The following FGF12 variants were observed in gnomAD, a reference collection of about 807,000 sequenced individuals.
The protein encoded by FGF12 is fibroblast growth factor 12, also known as fibroblast growth factor 12B.
A neutral mutation model predicts 23.6 loss-of-function variants in FGF12; 14 were observed. That is an observed-to-expected ratio of 0.59 (90% CI 0.39 to 0.93). FGF12 has a LOEUF of 0.93. Ranked by LOEUF, FGF12 falls within the 40% of genes least tolerant of loss-of-function variation. The probability of loss-of-function intolerance (pLI) is 0.00; values close to 1 mark genes in which losing one functional copy is unlikely to be tolerated. For missense variants in FGF12, 175 were observed against 217.8 expected, an observed-to-expected ratio of 0.80 and a Z score of 1.24; for synonymous variants, 62 against 77.3, an observed-to-expected ratio of 0.80 and a Z score of 1.04.
intron 2 of FGF12, among the ~76,000 whole-genome samples, chr3:192,424,078 A>G (rs1269768963): frequency 1.8e-5 from 2 of 113,504 alleles, no homozygotes; most frequent in South Asian, 6.4e-4. Flanking sequence ...AATGAATTAT[A>G]AAGTCTTCAA....
intron 2 of FGF12, among the ~76,000 whole-genome samples, chr3:192,552,940 A>G (rs141804255): frequency 6.9e-4 from 105 of 152,202 alleles, no homozygotes; most frequent in Non-Finnish European, 1.3e-3. Flanking sequence ...AAAAAAATAC[A>G]TGCCAGAAGA....
At chr3:192,634,190 C>A (rs1715496892) in intron 2 of FGF12, among the ~76,000 whole-genome samples, 1 of 151,824 alleles carries the variant, frequency 6.6e-6, no homozygotes, top group Non-Finnish European at 1.5e-5. Context: ...ACACATGATG[C>A]CTACACACGT....
At chr3:192,148,990 G>A (rs9877993) in intron 5 of FGF12, among the ~76,000 whole-genome samples, 53,810 of 151,922 alleles carry the variant, frequency 0.35, 9,703 homozygotes, top group Middle Eastern at 0.42. Flanking sequence ...AGGTGATGAC[G>A]AATAAGAAGG....
chr3:192,291,145 T>A (rs973895889), intron 4 of FGF12, among the ~76,000 whole-genome samples: 9 of 152,316 alleles, frequency 5.9e-5, no homozygotes, highest in Non-Finnish European at 1.3e-4. Context: ...TTCTGGTGAT[T>A]TACTACTATT....
At chr3:192,634,366 C>A (rs1480335360) in intron 2 of FGF12, among the ~76,000 whole-genome samples, 1 of 152,048 alleles carries the variant, frequency 6.6e-6, no homozygotes, top group Non-Finnish European at 1.5e-5. Context: ...TACAGTATAA[C>A]AATTATCTAC....
chr3:192,191,597 A>G (rs1449877946), intron 4 of FGF12, among the ~76,000 whole-genome samples: 1 of 152,162 alleles, frequency 6.6e-6, no homozygotes, highest in African/African-American at 2.4e-5. Context: ...GCACTTTGGG[A>G]GGCTGAGGTG....
intron 2 of FGF12, among the ~76,000 whole-genome samples, chr3:192,712,070 T>C (rs1465559817): frequency 2.6e-5 from 4 of 151,522 alleles, no homozygotes; most frequent in Non-Finnish European, 5.9e-5. Context: ...AATAAGCCTC[T>C]TGGAAATTAA....
chr3:192,299,712 T>G (rs570873763), intron 4 of FGF12, among the ~76,000 whole-genome samples: 63 of 152,296 alleles, frequency 4.1e-4, no homozygotes, highest in African/African-American at 1.5e-3. Context: ...AATTAAATAT[T>G]ACCTGATGAG....
At chr3:192,583,532 A>G (rs1713249008) in intron 2 of FGF12, among the ~76,000 whole-genome samples, 1 of 152,222 alleles carries the variant, frequency 6.6e-6, no homozygotes, top group African/African-American at 2.4e-5. Context: ...TAAGTCACAT[A>G]TAATAGCAGA....
At chr3:192,489,232 A>T (rs1351028584) in intron 2 of FGF12, among the ~76,000 whole-genome samples, 1 of 152,094 alleles carries the variant, frequency 6.6e-6, no homozygotes, top group Non-Finnish European at 1.5e-5. Context: ...AAGAGCAAAA[A>T]TACTACACAT....
At chr3:192,389,633 T>A (rs1352666340) in intron 2 of FGF12, among the ~76,000 whole-genome samples, 2 of 152,250 alleles carry the variant, frequency 1.3e-5, no homozygotes, top group Non-Finnish European at 2.9e-5. Context: ...AAAATTATTT[T>A]AAAATCTTTA....
At chr3:192,402,988 TGG>T (rs1720824582) in intron 2 of FGF12, among the ~76,000 whole-genome samples, 1 of 152,182 alleles carries the variant, frequency 6.6e-6, no homozygotes, top group Non-Finnish European at 1.5e-5. Context: ...GGCTGTTTTG[TGG>T]AATCATCATA....
chr3:192,661,014 A>G (rs1246577901), intron 2 of FGF12, among the ~76,000 whole-genome samples: 1 of 151,912 alleles, frequency 6.6e-6, no homozygotes, highest in Non-Finnish European at 1.5e-5. Flanking sequence ...AATATTAAGA[A>G]AAAAACTGGG....
intron 2 of FGF12, among the ~76,000 whole-genome samples, chr3:192,671,503 G>A (rs746188898): frequency 5.3e-5 from 8 of 152,188 alleles, no homozygotes; most frequent in Middle Eastern, 3.4e-3. Context: ...TTAACCCAAC[G>A]TTTGGTAGAC....
At chr3:192,185,643 C>T (rs1027788344) in intron 4 of FGF12, among the ~76,000 whole-genome samples, 13 of 151,690 alleles carry the variant, frequency 8.6e-5, no homozygotes, top group African/African-American at 2.4e-4. Flanking sequence ...TGGTGGATCA[C>T]GGAGTCAGGA....
intron 5 of FGF12, among the ~76,000 whole-genome samples, chr3:192,160,847 C>G (rs975090002): frequency 4.6e-5 from 7 of 151,978 alleles, no homozygotes; most frequent in African/African-American, 1.7e-4. Flanking sequence ...TTTACTTTAT[C>G]TAAGGTCCTA....
chr3:192,660,281 G>A (rs1006564677), intron 2 of FGF12, among the ~76,000 whole-genome samples: 2 of 147,726 alleles, frequency 1.4e-5, no homozygotes, highest in African/African-American at 5.0e-5. Flanking sequence ...AACACCTCAT[G>A]TTCTCACTCA....
rs151152098 is a variant in FGF12 at position 192,374,640 on chromosome 3, T to A, written c.14-14102A>T. Among the ~76,000 whole-genome samples the A allele has an allele frequency of 2.2e-3, 342 of 152,350 alleles. 2 individuals are homozygous for A. The highest frequency in any genetic ancestry group is 3.9e-3 in the Admixed American group (59 of 15,302). ...GCCAGGGACTCAAATGATTTCTATGTCTAGTACTTACTCATTCCATCTTTG... is the reference window on the plus strand; with the variant it reads ...GCCAGGGACTCAAATGATTTCTATGACTAGTACTTACTCATTCCATCTTTG... On this transcript the variant is annotated intron_variant, in intron 2 of 5. Transcript: ENST00000445105.
chr3:192,575,400 G>A lies in FGF12; in HGVS notation c.13+151781C>T, dbSNP rs116379752. Among the ~76,000 whole-genome samples, 1,157 of 152,324 alleles carry A rather than the reference G, an allele frequency of 7.6e-3. 9 individuals carry two copies. Among genetic ancestry groups the A allele is most frequent in the Non-Finnish European group, 0.013 (910 of 68,028 alleles). On this transcript the variant is annotated intron_variant, in intron 2 of 5. Coordinates refer to ENST00000445105, the MANE Select transcript of FGF12 (RefSeq NM_004113.6). The stretch of plus-strand genomic sequence containing the variant: ...AATGGTGATCAAAGCATTGGCATTG[G>A]CCCTGTCCTAATGTACTTCAGTTTG...
Sources: allele counts gnomAD v4.1 joint callset (sites outside exome capture counted in the v4.1 genomes callset), GRCh38; gene constraint gnomAD v4.1.1; transcripts MANE v1.5; gene names NCBI Gene and HGNC (gene_info 2026-07-23, HGNC 2026-07-21).